WDR49: variants seen among roughly 807,000 people sequenced by gnomAD.
WDR49 encodes the protein WD repeat domain 49.
A neutral mutation model predicts 119.5 loss-of-function variants in WDR49; 107 were observed. The ratio of observed to expected loss-of-function variants is 0.90; its 90% CI spans 0.77 to 1.05. The LOEUF (loss-of-function observed/expected upper bound fraction) is 1.05, where lower values mean the gene tolerates loss of function less well. WDR49 is among the 50% of genes least tolerant of loss of function. The pLI is 0.00. For synonymous variants in WDR49, 425 were observed against 418.8 expected (o/e 1.01, Z -0.18); for missense variants, 1,240 against 1,220.5 (o/e 1.02, Z -0.24).
intron 7 of WDR49, among the ~76,000 whole-genome samples, chr3:167,596,240 G>A (rs1347116274): frequency 6.6e-6 from 1 of 151,658 alleles, no homozygotes; most frequent in African/African-American, 2.4e-5. Context: ...GAGAGGATGT[G>A]GAGAAATAGG....
At chr3:167,513,686 A>T (rs984400667) in intron 16 of WDR49, among the ~76,000 whole-genome samples, 1 of 152,132 alleles carries the variant, frequency 6.6e-6, no homozygotes, top group Non-Finnish European at 1.5e-5. Flanking sequence ...AAGAGTAAAG[A>T]CCCATTGGTG....
intron 2 of WDR49, among the ~76,000 whole-genome samples, chr3:167,631,632 A>G (rs1033953288): frequency 7.2e-5 from 11 of 152,074 alleles, no homozygotes; most frequent in African/African-American, 2.2e-4. Flanking sequence ...GAGAGAATAA[A>G]CTTTTCCCAC....
chr3:167,541,196 A>G (rs1484771132), intron 10 of WDR49, among the ~76,000 whole-genome samples: 1 of 152,176 alleles, frequency 6.6e-6, no homozygotes. Flanking sequence ...CAAGAAGCTC[A>G]AAGAACACCT....
At position 167,522,395 on chromosome 3, in the gene WDR49, TAAAG is replaced by T; in HGVS notation, c.2690_2693del (p.Ser897TyrfsTer9). 1 of 1,611,102 alleles carries T rather than the reference TAAAG, an allele frequency of 6.2e-7. No individual in the cohort carries two copies. The highest frequency in any genetic ancestry group is 8.5e-7 in the Non-Finnish European group (1 of 1,179,158). ...CTAAACAAGATTCCTCCTTAGAAAA[TAAAG>T]AAATTTCCTTTTGAATCTCACTTTC... On this transcript the variant is annotated frameshift_variant, in exon 16 of 19. Transcript: ENST00000682715. LOFTEE classifies it high-confidence loss of function.
At chr3:167,495,456 C>T (rs1403919997) in intron 18 of WDR49, among the ~76,000 whole-genome samples, 1 of 151,964 alleles carries the variant, frequency 6.6e-6, no homozygotes, top group Non-Finnish European at 1.5e-5. Context: ...ATAAAATATA[C>T]AAACTGAAGC....
At chr3:167,557,604 T>A (rs1713012082) in intron 9 of WDR49, among the ~76,000 whole-genome samples, 1 of 151,976 alleles carries the variant, frequency 6.6e-6, no homozygotes, top group African/African-American at 2.4e-5. Flanking sequence ...ATACAAAAAA[T>A]TAGCCGGGCG....
chr3:167,593,158 A>G (rs976135264), intron 7 of WDR49, among the ~76,000 whole-genome samples: 4 of 152,026 alleles, frequency 2.6e-5, no homozygotes, highest in Non-Finnish European at 5.9e-5. Context: ...AGGTTTAGGA[A>G]GTTCTCTGTT....
At chr3:167,546,584 G>T (rs1337656050) in intron 10 of WDR49, among the ~76,000 whole-genome samples, 1 of 150,982 alleles carries the variant, frequency 6.6e-6, no homozygotes, top group African/African-American at 2.4e-5. Context: ...CACAACTACT[G>T]CTACTGAATG....
chr3:167,551,482 T>C (rs904183525), intron 10 of WDR49, among the ~76,000 whole-genome samples: 2 of 152,078 alleles, frequency 1.3e-5, no homozygotes, highest in Admixed American at 6.6e-5. Context: ...GTTTAAAATA[T>C]ATAATTGCTG....
chr3:167,479,005 T>C lies in WDR49; in HGVS notation c.3032-9A>G, dbSNP rs199579482. ...AAATACAGCTTTCAAAGCTACAAAA[T>C]GATGAGGAAAATCACAAGTGAATTA... is the stretch of plus-strand genomic sequence containing the variant. On this transcript the variant is annotated splice_polypyrimidine_tract_variant and intron_variant, in intron 18 of 18. Coordinates refer to ENST00000682715, the MANE Select transcript of WDR49 (RefSeq NM_001366157.1). 2.2e-4 allele frequency: 343 copies of C among 1,557,242 alleles called. No homozygotes were observed. The African/African-American group carries it at 4.2e-3, about 19-fold the overall frequency.
At chr3:167,558,460 C>T (rs1397032012) in intron 9 of WDR49, among the ~76,000 whole-genome samples, 1 of 152,092 alleles carries the variant, frequency 6.6e-6, no homozygotes, top group East Asian at 1.9e-4. Flanking sequence ...TTTATGTATC[C>T]TACACAGAAG....
intron 10 of WDR49, 113 bp from the exon 11 acceptor site, chr3:167,537,113 A>C: frequency 1.9e-6 from 2 of 1,071,020 alleles, no homozygotes; most frequent in Non-Finnish European, 1.2e-6. Flanking sequence ...TATGCTGCCC[A>C]AAATTTATCC....
At position 167,614,152 on chromosome 3, in the gene WDR49, T is replaced by C. The variant is rs550634601; in HGVS notation, c.958+6277A>G. Among the ~76,000 whole-genome samples the C allele has an allele frequency of 4.6e-5, 7 of 152,108 alleles. 1 individual carries two copies. In the South Asian group the frequency reaches 1.5e-3, roughly 32 times the overall value. On this transcript the variant is annotated intron_variant, in intron 5 of 18. Transcript: ENST00000682715. ...CTCTCTCGCCCAGGTTGGAGTGCTA[T>C]GGGCAATGGCGCAATCTCGGCTCAC...
At chr3:167,605,033 TGTG>T (rs1373547857) in intron 5 of WDR49, among the ~76,000 whole-genome samples, 4 of 151,712 alleles carry the variant, frequency 2.6e-5, no homozygotes, top group African/African-American at 9.7e-5. Flanking sequence ...TGTGTGTGTG[TGTG>T]TGTGTGTGTG....
At chr3:167,507,832 C>T (rs560880255) in intron 16 of WDR49, among the ~76,000 whole-genome samples, 153 of 152,302 alleles carry the variant, frequency 1.0e-3, no homozygotes, top group Non-Finnish European at 1.9e-3. Context: ...TCTATTGCTT[C>T]CTTTTCACAG....
chr3:167,488,643 A>G (rs1751013750), intron 18 of WDR49, among the ~76,000 whole-genome samples: 1 of 152,166 alleles, frequency 6.6e-6, no homozygotes, highest in Admixed American at 6.6e-5. Flanking sequence ...CTCCCTGGCC[A>G]CATAACTTAT....
intron 2 of WDR49, among the ~76,000 whole-genome samples, chr3:167,648,029 A>G (rs1301523137): frequency 6.6e-6 from 1 of 152,092 alleles, no homozygotes; most frequent in African/African-American, 2.4e-5. Context: ...GCAACATGCC[A>G]AAGGAAGGTT....
At chr3:167,494,219 T>C (rs997172896) in intron 18 of WDR49, among the ~76,000 whole-genome samples, 6 of 152,168 alleles carry the variant, frequency 3.9e-5, no homozygotes, top group African/African-American at 1.4e-4. Flanking sequence ...TATTCAGATA[T>C]AAACAAATAG....
intron 3 of WDR49, among the ~76,000 whole-genome samples, chr3:167,624,333 G>A (rs1374139798): frequency 6.8e-6 from 1 of 147,434 alleles, no homozygotes; most frequent in Non-Finnish European, 1.5e-5. Flanking sequence ...TCTCAAAATA[G>A]TTATGCCATG....
Sources: allele counts gnomAD v4.1 joint callset (sites outside exome capture counted in the v4.1 genomes callset), GRCh38; gene constraint gnomAD v4.1.1; transcripts MANE v1.5; gene names NCBI Gene and HGNC (gene_info 2026-07-23, HGNC 2026-07-21).